Variants in KIF6 observed in about 807,000 individuals in gnomAD.
KIF6 encodes the protein kinesin family member 6, also known as kinesin-like protein KIF6.
Under a neutral mutation model 112.7 loss-of-function variants are expected in KIF6, and 106 were observed. That is an observed-to-expected ratio of 0.94 (90% CI 0.80 to 1.11). The LOEUF is 1.11. Ranked by LOEUF, KIF6 falls within the 50% of genes least tolerant of loss-of-function variation. The pLI is 0.00. For missense variants in KIF6, 929 were observed against 964.0 expected, an observed-to-expected ratio of 0.96 and a Z score of 0.48; for synonymous variants, 339 against 339.9, an observed-to-expected ratio of 1.00 and a Z score of 0.03.
chr6:39,461,848 A>G (rs1773498111), intron 13 of KIF6, among the ~76,000 whole-genome samples: 1 of 152,194 alleles, frequency 6.6e-6, no homozygotes, highest in Admixed American at 6.5e-5. Flanking sequence ...TAATACAAAA[A>G]GTGTGTGTAC....
At chr6:39,389,077 G>A (rs1219375380) in intron 15 of KIF6, among the ~76,000 whole-genome samples, 5 of 152,198 alleles carry the variant, frequency 3.3e-5, no homozygotes, top group Admixed American at 1.3e-4. Flanking sequence ...CAGAGGAGAC[G>A]GGTGACCTTA....
intron 16 of KIF6, among the ~76,000 whole-genome samples, chr6:39,363,614 A>G (rs1414002863): frequency 6.6e-6 from 1 of 152,142 alleles, no homozygotes; most frequent in Non-Finnish European, 1.5e-5. Context: ...TCTGAGCTCC[A>G]CAGACAACAT....
intron 3 of KIF6, among the ~76,000 whole-genome samples, chr6:39,714,152 C>T (rs2113876390): frequency 6.6e-6 from 1 of 151,978 alleles, no homozygotes; most frequent in East Asian, 1.9e-4. Flanking sequence ...TATTTGGTAC[C>T]CTCATGTGAG....
chr6:39,582,184 C>A (rs138200821), intron 9 of KIF6, among the ~76,000 whole-genome samples: 147 of 152,248 alleles, frequency 9.7e-4, no homozygotes, highest in Middle Eastern at 3.4e-3. Flanking sequence ...CCAAATTATT[C>A]TCCTGTCTTA....
chr6:39,537,392 A>G (rs1266878885), intron 13 of KIF6, among the ~76,000 whole-genome samples: 1 of 152,188 alleles, frequency 6.6e-6, no homozygotes, highest in Non-Finnish European at 1.5e-5. Context: ...ATCAATGTAC[A>G]AAAATCACAA....
At chr6:39,560,002 A>C (rs1025321859) in intron 10 of KIF6, among the ~76,000 whole-genome samples, 1 of 152,228 alleles carries the variant, frequency 6.6e-6, no homozygotes. Context: ...TTTGTTATTT[A>C]CTTGAAATTC....
In KIF6 at chr6:39,351,499, C is replaced by T. The variant is rs534902837; in HGVS notation, c.2181-4973G>A. On this transcript the variant is annotated intron_variant, in intron 19 of 22. Transcript: ENST00000287152. ...TGAACTCCTGGCTCAAGCGATCCAC[C>T]GGCTTTAGCCTCCCAAAGTACTGGG... 7.2e-5 allele frequency among the ~76,000 whole-genome samples: 11 copies of T among 152,232 alleles called. No homozygotes were observed. In the South Asian group the frequency reaches 1.5e-3, roughly 20 times the overall value.
intron 3 of KIF6, among the ~76,000 whole-genome samples, chr6:39,714,202 T>C (rs113252890): frequency 1.6e-4 from 24 of 152,170 alleles, no homozygotes; most frequent in African/African-American, 5.3e-4. Flanking sequence ...TAGCTAGATA[T>C]ATTAAAGCAA....
intron 3 of KIF6, among the ~76,000 whole-genome samples, chr6:39,653,051 A>G (rs1317569589): frequency 6.6e-6 from 1 of 152,200 alleles, no homozygotes; most frequent in Non-Finnish European, 1.5e-5. Context: ...GAATAAACAG[A>G]TTAAGATCAA....
intron 3 of KIF6, among the ~76,000 whole-genome samples, chr6:39,696,312 A>T (rs1306718906): frequency 6.6e-6 from 1 of 152,164 alleles, no homozygotes; most frequent in East Asian, 1.9e-4. Context: ...AATAGTACTA[A>T]ACATTCTCTT....
chr6:39,402,815 G>A (rs1768804571), intron 15 of KIF6, among the ~76,000 whole-genome samples: 1 of 152,022 alleles, frequency 6.6e-6, no homozygotes, highest in Non-Finnish European at 1.5e-5. Flanking sequence ...TTTTCCACAG[G>A]GCCTCCAACT....
intron 22 of KIF6, among the ~76,000 whole-genome samples, chr6:39,336,818 T>TTCTTTTTC (rs1762933680): frequency 6.6e-6 from 1 of 152,202 alleles, no homozygotes; most frequent in African/African-American, 2.4e-5. Context: ...TCTTTCTTTT[T>TTCTTTTTC]TTTGATGGAG....
At chr6:39,632,449 G>A (rs1413854511) in intron 5 of KIF6, among the ~76,000 whole-genome samples, 1 of 152,056 alleles carries the variant, frequency 6.6e-6, no homozygotes, top group African/African-American at 2.4e-5. Context: ...TGTTTAGAAG[G>A]CATTCAAAGT....
intron 13 of KIF6, among the ~76,000 whole-genome samples, chr6:39,521,733 C>G (rs1777413256): frequency 6.6e-6 from 1 of 152,168 alleles, no homozygotes; most frequent in African/African-American, 2.4e-5. Context: ...TCCTCCACCC[C>G]CATTCTACCA....
intron 13 of KIF6, among the ~76,000 whole-genome samples, chr6:39,525,542 G>A (rs1186202385): frequency 6.6e-6 from 1 of 152,084 alleles, no homozygotes; most frequent in East Asian, 1.9e-4. Context: ...ATCACCTGAG[G>A]CCAGGAGTTC....
In KIF6 at chr6:39,359,323, G is replaced by A. The variant is rs147173989; in HGVS notation, c.2082+1072C>T. Among the ~76,000 whole-genome samples, 5 of 152,274 alleles carry A rather than the reference G, an allele frequency of 3.3e-5. No homozygotes were observed. In the East Asian group the frequency reaches 9.6e-4, roughly 29 times the overall value. On this transcript the variant is annotated intron_variant, in intron 18 of 22. Transcript: ENST00000287152. The stretch of plus-strand genomic sequence containing the variant: ...GATTTTGTGCTAACACTTATGGAAA[G>A]GTCATTTTAGCCTTCATCAAACAGA...
chr6:39,448,413 G>C (rs1056441919), intron 13 of KIF6, among the ~76,000 whole-genome samples: 1 of 152,120 alleles, frequency 6.6e-6, no homozygotes, highest in Admixed American at 6.5e-5. Flanking sequence ...GACCTCAGGA[G>C]ATCCACCCGC....
chr6:39,396,415 G>A lies in KIF6; in HGVS notation c.1811-10743C>T, dbSNP rs536725245. 6.6e-5 allele frequency among the ~76,000 whole-genome samples: 10 copies of A among 152,306 alleles called. No individual in the cohort carries two copies. In the South Asian group the frequency reaches 1.4e-3, roughly 22 times the overall value. ...CCATCCAAGGGAGCCAACGGGGGCC[G>A]AGCCCAGCAGGTGCACTGGGAAACT... is the stretch of plus-strand genomic sequence containing the variant. On this transcript the variant is annotated intron_variant, in intron 15 of 22. Transcript: ENST00000287152.
intron 10 of KIF6, among the ~76,000 whole-genome samples, chr6:39,553,046 G>T (rs1343129183): frequency 6.6e-6 from 1 of 152,178 alleles, no homozygotes; most frequent in Non-Finnish European, 1.5e-5. Context: ...TCTGCTGAAA[G>T]AATCAATTCC....
Sources: gnomAD v4.1 joint callset for allele counts (sites outside exome capture counted in the v4.1 genomes callset) on GRCh38, gnomAD v4.1.1 for gene constraint, MANE v1.5 for transcripts, NCBI Gene and HGNC (gene_info 2026-07-23, HGNC 2026-07-21) for gene names.